THBS1: variants seen among roughly 807,000 people sequenced by gnomAD.
The protein encoded by THBS1 is thrombospondin-1.
Under a neutral mutation model 126.1 loss-of-function variants are expected in THBS1, and 29 were observed. The observed-to-expected ratio is 0.23, with a 90% CI of 0.17 to 0.31. The LOEUF is 0.31. THBS1 is among the 10% of genes least tolerant of loss of function. THBS1 has a pLI of 1.00. For missense variants in THBS1, 1,198 were observed against 1,545.2 expected (o/e 0.78, Z 3.77); for synonymous variants, 496 against 577.8 (o/e 0.86, Z 2.03).
At chr15:39,587,040 C>G (rs1486083326) in intron 7 of THBS1, 1 of 210,020 alleles carries the variant, frequency 4.8e-6, no homozygotes, top group Non-Finnish European at 9.6e-6. Flanking sequence ...GTTAATAATA[C>G]TGGATTGTAT....
Position 39,591,174 on chromosome 15 carries a change from A to G in THBS1, c.2254-17A>G, listed in dbSNP as rs751577662. On this transcript the variant is annotated splice_polypyrimidine_tract_variant and intron_variant, in intron 14 of 21. Coordinates refer to ENST00000260356, the MANE Select transcript of THBS1 (RefSeq NM_003246.4). ...CAAGGACAACATTGTTAAGTGCTCCATTTCTTCTCTTTGCAGGACAACTGT... is the reference window on the plus strand; with the variant it reads ...CAAGGACAACATTGTTAAGTGCTCCGTTTCTTCTCTTTGCAGGACAACTGT... 1 of 1,611,588 alleles carries G rather than the reference A, an allele frequency of 6.2e-7. No individual in the cohort carries two copies. The highest frequency in any genetic ancestry group is 1.3e-5 in the African/African-American group (1 of 74,874).
Position 39,589,449 on chromosome 15 carries a change from C to CAA in THBS1, c.1926+104_1926+105dup. ...AGGAATGTAATTTCATACCCTTCACCAAAAAAAAAAGGGCGAGGAGATGAA... is the reference window on the plus strand; with the variant it reads ...AGGAATGTAATTTCATACCCTTCACCAAAAAAAAAAAAGGGCGAGGAGATGAA... On this transcript the variant is annotated intron_variant, in intron 12 of 21. Coordinates refer to ENST00000260356, the MANE Select transcript of THBS1 (RefSeq NM_003246.4). The surrounding 1 kb of genome is among the most constrained non-coding windows in gnomAD (Gnocchi z 4.7). 25 of 1,147,954 alleles carry CAA rather than the reference C, an allele frequency of 2.2e-5. No homozygotes were observed. The highest frequency in any genetic ancestry group is 5.9e-5 in the Admixed American group (2 of 34,004). 71.1% of individuals were successfully genotyped at this position (1,147,954 alleles called of 1,614,324 possible).
At position 39,592,526 on chromosome 15, in the gene THBS1, G is replaced by A. The variant is rs1890346313; in HGVS notation, c.2533-42G>A. ...GCATAAGTTATCTTTAACATGAATG[G>A]TTTATACTGCAATTTACCCTCCATT... On this transcript the variant is annotated intron_variant, in intron 16 of 21. Transcript: ENST00000260356. The surrounding 1 kb of genome is among the most constrained non-coding windows in gnomAD (Gnocchi z 4.3). 2 of 1,517,672 alleles carry A rather than the reference G, an allele frequency of 1.3e-6. No homozygotes were observed. Among genetic ancestry groups the A allele is most frequent in the Non-Finnish European group, 1.8e-6 (2 of 1,114,574 alleles). The allele number at this position is 1,517,672 out of a possible 1,614,324, so 94.0% of individuals were successfully genotyped here.
chr15:39,588,598 G>A lies in THBS1; in HGVS notation c.1544G>A (p.Arg515His), dbSNP rs756893036. ...SVTCGGGVQKRSRLCNNPTPQ... is the reference protein window; with the variant it reads ...SVTCGGGVQKHSRLCNNPTPQ... ...ACCTGTGGAGGAGGGGTACAGAAAC[G>A]TAGTCGTCTCTGCAACAACCCCACA... Residue 515 changes from arginine to histidine, a missense_variant, in exon 10 of 22, where the codon CGT becomes CAT. Arg to His is a conservative substitution (Grantham distance 29). Transcript: ENST00000260356. The A allele has an allele frequency of 2.9e-5, 46 of 1,610,432 alleles. 1 individual carries two copies. Among genetic ancestry groups the A allele is most frequent in the Non-Finnish European group, 3.7e-5 (44 of 1,178,662 alleles).
chr15:39,584,255 G>A (rs1420099525), intron 5 of THBS1, 45 bp from the exon 6 acceptor site: 5 of 1,614,162 alleles, frequency 3.1e-6, no homozygotes, highest in Non-Finnish European at 1.7e-6. Context: ...GGTCCCAAAT[G>A]ACTGAAAATG....
At chr15:39,590,833 C>CT (rs1248049559) in intron 14 of THBS1, 1 of 564,542 alleles carries the variant, frequency 1.8e-6, no homozygotes, top group African/African-American at 1.9e-5. Context: ...TTCATCAGAA[C>CT]TGTTTTTCTC....
Position 39,591,494 on chromosome 15 carries a change from G to A in THBS1, c.2414-11G>A. 1.9e-6 allele frequency: 3 copies of A among 1,613,942 alleles called. No homozygotes were observed. Among genetic ancestry groups the A allele is most frequent in the Middle Eastern group, 1.6e-4 (1 of 6,062 alleles). ...AGAGCCCAGCTCTTATTTGTCCCTTGTTCTCTTCAGGTATCCTCAATGAAC... is the reference window on the plus strand; with the variant it reads ...AGAGCCCAGCTCTTATTTGTCCCTTATTCTCTTCAGGTATCCTCAATGAAC... On this transcript the variant is annotated splice_polypyrimidine_tract_variant and intron_variant, in intron 15 of 21. Coordinates refer to ENST00000260356, the MANE Select transcript of THBS1 (RefSeq NM_003246.4).
chr15:39,582,729 G>C lies in THBS1; in HGVS notation c.604G>C (p.Gly202Arg), dbSNP rs1890136671. Residue 202 changes from glycine (G) to arginine (R), a missense_variant, in exon 3 of 22, where the codon GGG becomes CGG. Gly to Arg is a moderately radical substitution (Grantham distance 125, BLOSUM62 -2). Coordinates refer to ENST00000260356, the MANE Select transcript of THBS1 (RefSeq NM_003246.4). Reference sequence around the variant, plus strand: ...CATCGCCAGACTCCGCATCGCAAAGGGGGGCGTCAATGACAATTTCCAGGT... The same window carrying C: ...CATCGCCAGACTCCGCATCGCAAAGCGGGGCGTCAATGACAATTTCCAGGT... ...ASIARLRIAKGGVNDNFQGVL... is the reference protein window; with the variant it reads ...ASIARLRIAKRGVNDNFQGVL... The C allele has an allele frequency of 2.5e-6, 4 of 1,611,310 alleles. No homozygotes were observed. The highest frequency in any genetic ancestry group is 1.1e-5 in the South Asian group (1 of 90,808).
At position 39,595,280 on chromosome 15, in the gene THBS1, G is replaced by A. The variant is rs1017368946; in HGVS notation, c.3506-82G>A. On this transcript the variant is annotated intron_variant, in intron 21 of 21. Coordinates refer to ENST00000260356, the MANE Select transcript of THBS1 (RefSeq NM_003246.4). ...TAGAAAAGTAGAGCTATTCCTATGT[G>A]GTTAACTTATTAACTAAGATGTCTA... The A allele has an allele frequency of 5.7e-5, 52 of 905,214 alleles. No homozygotes were observed. The Middle Eastern group carries it at 1.2e-3, about 21-fold the overall frequency. The allele number at this position is 905,214 out of a possible 1,614,324, so 56.1% of individuals were successfully genotyped here. A position where few individuals can be genotyped will look rare whatever the true frequency, so the allele number is the denominator to read the frequency against.
chr15:39,595,888 T>C lies in THBS1; in HGVS notation c.*519T>C, dbSNP rs1272369590. 12 of 456,280 alleles carry C rather than the reference T, an allele frequency of 2.6e-5. No homozygotes were observed. The highest frequency in any genetic ancestry group is 2.3e-4 in the Admixed American group (10 of 42,588). 28.3% of individuals were successfully genotyped at this position (456,280 alleles called of 1,614,324 possible). A position where few individuals can be genotyped will look rare whatever the true frequency, so the allele number is the denominator to read the frequency against. ...AAGAAAATATGGAGGAACTGTTACA[T>C]GTTCGGTACTAAGTCATTTTCAGGG... On this transcript the variant is annotated 3_prime_UTR_variant, in exon 22 of 22. Transcript: ENST00000260356.
chr15:39,590,404 C>T, intron 13 of THBS1, 112 bp from the exon 14 acceptor site: 1 of 830,144 alleles, frequency 1.2e-6, no homozygotes, highest in Non-Finnish European at 1.9e-6. Context: ...TATGCTGTTA[C>T]TGAGCCAAAT....
In THBS1 at chr15:39,594,775, T is replaced by A. The variant is rs1382783794; in HGVS notation, c.3505+335T>A. On this transcript the variant is annotated intron_variant, in intron 21 of 21. Transcript: ENST00000260356. This position sits in a 1 kb window ranked among gnomAD's most constrained non-coding sequence, Gnocchi z 4.4. The stretch of plus-strand genomic sequence containing the variant: ...TATATTTATATATCTTACTGCTTAT[T>A]GTTTTATGCATGCCATCACAGCACG... 1.3e-5 allele frequency among the ~76,000 whole-genome samples: 2 copies of A among 152,264 alleles called. No homozygotes were observed. The highest frequency in any genetic ancestry group is 1.9e-4 in the East Asian group (1 of 5,208).
rs1890284014 is a variant in THBS1, at chr15:39,589,455, A to G, written c.1926+101A>G. The G allele has an allele frequency of 6.9e-7, 1 of 1,441,630 alleles. No individual in the cohort carries two copies. Among genetic ancestry groups the G allele is most frequent in the Non-Finnish European group, 9.3e-7 (1 of 1,077,238 alleles). The allele number at this position is 1,441,630 out of a possible 1,614,324, so 89.3% of individuals were successfully genotyped here. On this transcript the variant is annotated intron_variant, in intron 12 of 21. Transcript: ENST00000260356. The surrounding 1 kb of genome is among the most constrained non-coding windows in gnomAD (Gnocchi z 4.7). ...GTAATTTCATACCCTTCACCAAAAA[A>G]AAAAGGGCGAGGAGATGAATGTACG...
Position 39,585,564 on chromosome 15 carries a change from G to GT in THBS1, c.1120+2dup. The GT allele has an allele frequency of 6.2e-7, 1 of 1,613,532 alleles. No homozygotes were observed. Among genetic ancestry groups the GT allele is most frequent in the Non-Finnish European group, 8.5e-7 (1 of 1,179,852 alleles). On this transcript the variant is annotated splice_donor_variant, in intron 7 of 21. Transcript: ENST00000260356. LOFTEE classifies it high-confidence loss of function. Reference sequence around the variant, plus strand: ...GGAGAATGCTGTCCTCGCTGTTGGCGTAAGTTTCTCAAATGGCATAGCTAT... The same window carrying GT: ...GGAGAATGCTGTCCTCGCTGTTGGCGTTAAGTTTCTCAAATGGCATAGCTAT...
chr15:39,581,252 G>T, intron 1 of THBS1, 24 bp downstream of exon 1: 1 of 153,338 alleles, frequency 6.5e-6, no homozygotes, highest in South Asian at 1.9e-4. Flanking sequence ...GGCGGCCGCC[G>T]AGGACCAAAG....
intron 14 of THBS1, chr15:39,590,893 A>G: frequency 1.9e-6 from 1 of 533,714 alleles, no homozygotes; most frequent in East Asian, 3.3e-5. Context: ...TGTTCCCTAG[A>G]TTCATTTCAA....
At chr15:39,581,666 C>G (rs1289739334) in intron 1 of THBS1, 163 bp from the exon 2 acceptor site, 2 of 529,526 alleles carry the variant, frequency 3.8e-6, no homozygotes, top group African/African-American at 1.9e-5. Context: ...CTCTCTCTCT[C>G]TCATGCTCTC....
At chr15:39,583,561 ACCCC>A in intron 3 of THBS1, 52 bp from the exon 4 acceptor site, 19 of 1,162,428 alleles carry the variant, frequency 1.6e-5, no homozygotes, top group African/African-American at 3.0e-5. Context: ...GTCTCCCCCA[ACCCC>A]ATCCCCACCC....
Position 39,589,654 on chromosome 15 carries a change from C to A in THBS1, c.1927-151C>A. 1.1e-6 allele frequency: 1 copy of A among 947,362 alleles called. No individual in the cohort carries two copies. Among genetic ancestry groups the A allele is most frequent in the Non-Finnish European group, 1.5e-6 (1 of 658,440 alleles). 58.7% of individuals were successfully genotyped at this position (947,362 alleles called of 1,614,324 possible). A position where few individuals can be genotyped will look rare whatever the true frequency, so the allele number is the denominator to read the frequency against. On this transcript the variant is annotated intron_variant, in intron 12 of 21. Transcript: ENST00000260356. The surrounding 1 kb of genome is among the most constrained non-coding windows in gnomAD (Gnocchi z 4.7). ...ACATAAAGCAAAGTTTGCTTATAGC[C>A]TCAGGGAGAATGGGGAGGGACAGAG...
Sources: gnomAD v4.1 joint callset for allele counts (sites outside exome capture counted in the v4.1 genomes callset) on GRCh38, gnomAD v4.1.1 for gene constraint, Gnocchi (gnomAD v3.1) non-coding constraint, MANE v1.5 for transcripts, NCBI Gene and HGNC (gene_info 2026-07-23, HGNC 2026-07-21) for gene names.